TRIM33: variants seen among roughly 807,000 people sequenced by gnomAD.
TRIM33 encodes tripartite motif containing 33, also known as E3 ubiquitin-protein ligase TRIM33.
TRIM33 carries 20 observed loss-of-function variants against 125.4 expected under a neutral mutation model. The observed-to-expected ratio is 0.16, with a 90% confidence interval of 0.11 to 0.23. TRIM33 has a LOEUF of 0.23. Ranked by LOEUF, TRIM33 falls within the 10% of genes least tolerant of loss-of-function variation. The pLI is 1.00. For synonymous variants in TRIM33, 564 were observed against 513.9 expected, an observed-to-expected ratio of 1.10 and a Z score of -1.32; for missense variants, 920 against 1,411.4, an observed-to-expected ratio of 0.65 and a Z score of 5.58.
At chr1:114,471,223 C>T (rs1056649530) in intron 1 of TRIM33, among the ~76,000 whole-genome samples, 4 of 152,108 alleles carry the variant, frequency 2.6e-5, no homozygotes, top group African/African-American at 4.8e-5. Context: ...CCGAGGTGGG[C>T]GGATGGCGAA....
intron 16 of TRIM33, 59 bp from the exon 17 acceptor site, chr1:114,401,522 C>T (rs1173097021): frequency 4.2e-6 from 6 of 1,428,688 alleles, no homozygotes; most frequent in Non-Finnish European, 4.9e-6. Flanking sequence ...AAAACATTCT[C>T]GAGAATGAGA....
intron 4 of TRIM33, 105 bp from the exon 5 acceptor site, chr1:114,433,838 T>A: frequency 1.4e-6 from 1 of 700,830 alleles, no homozygotes; most frequent in Non-Finnish European, 2.4e-6. Flanking sequence ...AATTAAGTGA[T>A]CAACTCTATG....
At chr1:114,437,836 CTTTT>C (rs1648401881) in intron 4 of TRIM33, among the ~76,000 whole-genome samples, 1 of 152,000 alleles carries the variant, frequency 6.6e-6, no homozygotes, top group African/African-American at 2.4e-5. Flanking sequence ...GCATGCTTAG[CTTTT>C]TTAAATTATT....
intron 4 of TRIM33, among the ~76,000 whole-genome samples, chr1:114,452,417 G>A (rs1025912653): frequency 2.6e-5 from 4 of 151,968 alleles, no homozygotes; most frequent in Admixed American, 2.0e-4. Flanking sequence ...CCCAGATCAC[G>A]CCACTACACT....
chr1:114,433,516 T>A (rs1438347445), intron 5 of TRIM33, 101 bp downstream of exon 5: 1 of 684,754 alleles, frequency 1.5e-6, no homozygotes, highest in Non-Finnish European at 2.4e-6. Flanking sequence ...CTCAAAAAAA[T>A]GTTTTCTTTA....
intron 1 of TRIM33, among the ~76,000 whole-genome samples, chr1:114,465,470 C>T (rs1270352878): frequency 6.6e-6 from 1 of 152,044 alleles, no homozygotes; most frequent in African/African-American, 2.4e-5. Flanking sequence ...ACTGTAGTAC[C>T]ATATATAGTC....
At position 114,428,009 on chromosome 1, in the gene TRIM33, T is replaced by A. The variant is rs1014292634; in HGVS notation, c.1156-115A>T. The stretch of plus-strand genomic sequence containing the variant: ...TTCCTTTAAAAATGGGCTAAGTGAA[T>A]AAGCTCCATGATTATTTAGCAAGCC... On this transcript the variant is annotated intron_variant, in intron 6 of 19. Transcript: ENST00000358465. 8 of 1,053,224 alleles carry A rather than the reference T, an allele frequency of 7.6e-6. No individual in the cohort carries two copies. The African/African-American group carries it at 9.6e-5, about 13-fold the overall frequency. The allele number at this position is 1,053,224 out of a possible 1,614,324, so 65.2% of individuals were successfully genotyped here.
At chr1:114,417,205 G>A (rs534375855) in intron 11 of TRIM33, among the ~76,000 whole-genome samples, 8 of 152,208 alleles carry the variant, frequency 5.3e-5, no homozygotes, top group East Asian at 1.9e-4. Flanking sequence ...TGGAAGAGAA[G>A]GATATGAGTG....
intron 11 of TRIM33, among the ~76,000 whole-genome samples, chr1:114,417,287 T>C (rs190357044): frequency 2.0e-5 from 3 of 152,334 alleles, no homozygotes; most frequent in Non-Finnish European, 4.4e-5. Context: ...TTGTACAATC[T>C]TGTGAATGCA....
chr1:114,424,575 G>A lies in TRIM33; in HGVS notation c.1860+16C>T, dbSNP rs1247320471. 4 of 1,514,102 alleles carry A rather than the reference G, an allele frequency of 2.6e-6. No individual in the cohort carries two copies. In the African/African-American group the frequency reaches 4.2e-5, roughly 16 times the overall value. The allele number at this position is 1,514,102 out of a possible 1,614,324, so 93.8% of individuals were successfully genotyped here. On this transcript the variant is annotated intron_variant, in intron 10 of 19. Transcript: ENST00000358465. The stretch of plus-strand genomic sequence containing the variant: ...TTAAAATTGTAGGATTCTTACAAAT[G>A]TAACTCTAGGCATACTTGTCTTTGG...
intron 1 of TRIM33, among the ~76,000 whole-genome samples, chr1:114,486,255 G>A (rs1427386908): frequency 6.6e-6 from 1 of 151,552 alleles, no homozygotes; most frequent in South Asian, 2.1e-4. Flanking sequence ...CAGCCTGGGC[G>A]ACAGAGTAAG....
chr1:114,427,950 A>T, intron 6 of TRIM33, 56 bp from the exon 7 acceptor site: 1 of 1,589,116 alleles, frequency 6.3e-7, no homozygotes, highest in Non-Finnish European at 8.6e-7. Context: ...AATCAACCCC[A>T]CATTTCTAAT....
At chr1:114,499,794 A>G (rs1652600937) in intron 1 of TRIM33, among the ~76,000 whole-genome samples, 1 of 152,238 alleles carries the variant, frequency 6.6e-6, no homozygotes, top group Admixed American at 6.5e-5. Flanking sequence ...AGAAGCAAGC[A>G]GTAAAATAAG....
At chr1:114,453,753 G>C (rs1649471918) in intron 4 of TRIM33, among the ~76,000 whole-genome samples, 1 of 152,158 alleles carries the variant, frequency 6.6e-6, no homozygotes, top group Non-Finnish European at 1.5e-5. Flanking sequence ...TCTACCATGT[G>C]GCTGGTGAAC....
chr1:114,477,611 C>T (rs1294870214), intron 1 of TRIM33, among the ~76,000 whole-genome samples: 1 of 152,142 alleles, frequency 6.6e-6, no homozygotes, highest in African/African-American at 2.4e-5. Context: ...ACACTAAGTG[C>T]TCACAAAATG....
At chr1:114,398,806 T>C (rs1651692797) in intron 18 of TRIM33, among the ~76,000 whole-genome samples, 2 of 147,396 alleles carry the variant, frequency 1.4e-5, no homozygotes, top group South Asian at 2.1e-4. Flanking sequence ...ATAACAATAA[T>C]AGAATCGATT....
At chr1:114,446,921 G>A (rs1202790296) in intron 4 of TRIM33, among the ~76,000 whole-genome samples, 1 of 152,126 alleles carries the variant, frequency 6.6e-6, no homozygotes, top group Non-Finnish European at 1.5e-5. Context: ...GCTGTATGTG[G>A]TCTCAGCTAC....
In TRIM33 at chr1:114,397,553, T is replaced by G; in HGVS notation, c.*95A>C. 1 of 911,506 alleles carries G rather than the reference T, an allele frequency of 1.1e-6. No homozygotes were observed. The allele number at this position is 911,506 out of a possible 1,614,324, so 56.5% of individuals were successfully genotyped here. A position where few individuals can be genotyped will look rare whatever the true frequency, so the allele number is the denominator to read the frequency against. Reference sequence around the variant, plus strand: ...GGAGGTGCCCACTGTAGGCAGGATATTCCAGCAACACTTAAAAGTTTTCTG... The same window carrying G: ...GGAGGTGCCCACTGTAGGCAGGATAGTCCAGCAACACTTAAAAGTTTTCTG... On this transcript the variant is annotated 3_prime_UTR_variant, in exon 20 of 20. Coordinates refer to ENST00000358465, the MANE Select transcript of TRIM33 (RefSeq NM_015906.4).
intron 1 of TRIM33, among the ~76,000 whole-genome samples, chr1:114,465,466 G>C (rs1230610232): frequency 6.6e-6 from 1 of 152,144 alleles, no homozygotes; most frequent in Non-Finnish European, 1.5e-5. Flanking sequence ...ACAAACTGTA[G>C]TACCATATAT....
Sources: allele counts gnomAD v4.1 joint callset (sites outside exome capture counted in the v4.1 genomes callset), GRCh38; gene constraint gnomAD v4.1.1; transcripts MANE v1.5; gene names NCBI Gene and HGNC (gene_info 2026-07-23, HGNC 2026-07-21).